The following SZRD1 variants were observed in gnomAD, a reference collection of about 807,000 sequenced individuals.
SZRD1 encodes SUZ RNA binding domain containing 1, also known as SUZ RNA-binding domain-containing.
SZRD1 carries 7 observed loss-of-function variants against 17.6 expected under a neutral mutation model. The observed-to-expected ratio is 0.40, with a 90% CI of 0.23 to 0.75. The LOEUF (loss-of-function observed/expected upper bound fraction) is 0.75, where lower values mean the gene tolerates loss of function less well. SZRD1 is among the 30% of genes least tolerant of loss of function. The pLI, the probability that SZRD1 is intolerant of heterozygous loss-of-function variation, is 0.38. For missense variants in SZRD1, 178 were observed against 201.8 expected (o/e 0.88, Z 0.71); for synonymous variants, 77 against 77.9 (o/e 0.99, Z 0.06).
Position 16,393,108 on chromosome 1 carries a change from G to T in SZRD1, c.102-120G>T. On this transcript the variant is annotated intron_variant, in intron 2 of 3. Coordinates refer to ENST00000401088, the MANE Select transcript of SZRD1 (RefSeq NM_001114600.3). The surrounding 1 kb of genome is among the most constrained non-coding windows in gnomAD (Gnocchi z 5.6). Reference sequence around the variant, plus strand: ...TTTTGCTGTCTGGTCAGAGGCCAGAGAATCATGCATGGGTAGAATTAGGGA... The same window carrying T: ...TTTTGCTGTCTGGTCAGAGGCCAGATAATCATGCATGGGTAGAATTAGGGA... 1 of 1,379,336 alleles carries T rather than the reference G, an allele frequency of 7.2e-7. No individual in the cohort carries two copies. Among genetic ancestry groups the T allele is most frequent in the South Asian group, 1.3e-5 (1 of 75,096 alleles). 85.4% of individuals were successfully genotyped at this position (1,379,336 alleles called of 1,614,324 possible). A position where few individuals can be genotyped will look rare whatever the true frequency, so the allele number is the denominator to read the frequency against.
chr1:16,381,714 C>G (rs1025891160), intron 1 of SZRD1, among the ~76,000 whole-genome samples: 12 of 151,842 alleles, frequency 7.9e-5, no homozygotes, highest in African/African-American at 2.9e-4. Flanking sequence ...GGCGGATCAC[C>G]TAAGGTCAGG....
intron 3 of SZRD1, among the ~76,000 whole-genome samples, chr1:16,394,537 G>A (rs927680604): frequency 7.2e-5 from 11 of 152,188 alleles, no homozygotes; most frequent in African/African-American, 2.7e-4. Context: ...GCTGCTAGAG[G>A]TGAATGTGCA....
At chr1:16,384,336 A>C (rs1255055709) in intron 1 of SZRD1, among the ~76,000 whole-genome samples, 1 of 151,596 alleles carries the variant, frequency 6.6e-6, no homozygotes, top group East Asian at 1.9e-4. Context: ...CCCACAGTTC[A>C]AGAGCAGCCT....
Position 16,397,008 on chromosome 1 carries a change from G to A in SZRD1, c.*1868G>A, listed in dbSNP as rs922945123. Reference sequence around the variant, plus strand: ...CTAACCAAGTGTCCACATTCTAAATGTGTAGTGTCCATCCCTTATGTAATA... The same window carrying A: ...CTAACCAAGTGTCCACATTCTAAATATGTAGTGTCCATCCCTTATGTAATA... On this transcript the variant is annotated 3_prime_UTR_variant, in exon 4 of 4. Coordinates refer to ENST00000401088, the MANE Select transcript of SZRD1 (RefSeq NM_001114600.3). The surrounding 1 kb of genome is among the most constrained non-coding windows in gnomAD (Gnocchi z 5.4). 1 of 152,312 alleles carries A rather than the reference G, an allele frequency of 6.6e-6. No individual in the cohort carries two copies. The highest frequency in any genetic ancestry group is 1.5e-5 in the Non-Finnish European group (1 of 68,076). 9.4% of individuals were successfully genotyped at this position (152,312 alleles called of 1,614,324 possible). A position where few individuals can be genotyped will look rare whatever the true frequency, so the allele number is the denominator to read the frequency against.
At chr1:16,368,508 A>G (rs2082860684) in intron 1 of SZRD1, among the ~76,000 whole-genome samples, 1 of 152,216 alleles carries the variant, frequency 6.6e-6, no homozygotes, top group African/African-American at 2.4e-5. Context: ...TCCATTTAGC[A>G]TAATTGAGAA....
rs2082836767 is a variant in SZRD1, at chr1:16,367,306, G to A, written c.49G>A (p.Gly17Arg). The change falls in exon 1 of 4, where the codon GGG (glycine) becomes AGG (arginine). Residue 17 changes from glycine to arginine, a missense_variant and splice_region_variant. Transcript: ENST00000401088. Reference sequence around the variant, plus strand: ...GAGCTGGGAAGAGGCGGCAGACAGCGGGGTAAGGAGGAGCCGCCGTCCCAT... The same window carrying A: ...GAGCTGGGAAGAGGCGGCAGACAGCAGGGTAAGGAGGAGCCGCCGTCCCAT... The part of the protein sequence containing the change: ...AESWEEAADS[G>R]EIDRRLEKKL... The A allele has an allele frequency of 1.3e-6, 2 of 1,548,572 alleles. No individual in the cohort carries two copies. The highest frequency in any genetic ancestry group is 1.2e-5 in the South Asian group (1 of 83,960).
At chr1:16,370,023 G>A (rs2082886117) in intron 1 of SZRD1, among the ~76,000 whole-genome samples, 1 of 152,048 alleles carries the variant, frequency 6.6e-6, no homozygotes, top group Admixed American at 6.6e-5. Context: ...ACCTGTTGAG[G>A]CATTGTCCCC....
chr1:16,376,823 A>C lies in SZRD1; in HGVS notation c.51+9515A>C, dbSNP rs530064529. On this transcript the variant is annotated intron_variant, in intron 1 of 3. Transcript: ENST00000401088. ...TCTGTCTCAAAAAAAAAAAAAAAAA[A>C]ACGTTGCTCAGGATTTTTAAATGGA... 3.0e-4 allele frequency among the ~76,000 whole-genome samples: 46 copies of C among 151,416 alleles called. 2 individuals carry two copies. In the East Asian group the frequency reaches 7.8e-3, roughly 26 times the overall value.
intron 1 of SZRD1, among the ~76,000 whole-genome samples, chr1:16,377,146 G>C (rs576548599): frequency 6.6e-6 from 1 of 152,276 alleles, no homozygotes; most frequent in South Asian, 2.1e-4. Flanking sequence ...CACCCCTGCT[G>C]AGTGCTGGCG....
At chr1:16,381,358 A>AT (rs1350692127) in intron 1 of SZRD1, among the ~76,000 whole-genome samples, 2 of 151,620 alleles carry the variant, frequency 1.3e-5, no homozygotes, top group Non-Finnish European at 2.9e-5. Flanking sequence ...CAGGAGTTTG[A>AT]CAGCCTGGCC....
At chr1:16,382,479 C>T (rs1379549844) in intron 1 of SZRD1, among the ~76,000 whole-genome samples, 7 of 146,504 alleles carry the variant, frequency 4.8e-5, no homozygotes, top group Admixed American at 1.4e-4. Context: ...TGAACCACTG[C>T]GCCTGGCCAC....
chr1:16,373,802 C>T (rs1458628534), intron 1 of SZRD1, among the ~76,000 whole-genome samples: 6 of 151,988 alleles, frequency 3.9e-5, no homozygotes, highest in Admixed American at 3.9e-4. Flanking sequence ...AGGGTCTCAC[C>T]ATGTTGCCCA....
chr1:16,389,591 G>A (rs1332346250), intron 1 of SZRD1, among the ~76,000 whole-genome samples: 4 of 151,740 alleles, frequency 2.6e-5, no homozygotes, highest in African/African-American at 7.3e-5. Context: ...CATTGCAGGC[G>A]TGAGCCACCG....
At chr1:16,375,613 C>T (rs1185885144) in intron 1 of SZRD1, among the ~76,000 whole-genome samples, 3 of 152,094 alleles carry the variant, frequency 2.0e-5, no homozygotes, top group Admixed American at 1.3e-4. Flanking sequence ...GCGCCCGGTC[C>T]GAGACAGAGA....
At chr1:16,387,392 C>G in intron 1 of SZRD1, 1 of 450,178 alleles carries the variant, frequency 2.2e-6, no homozygotes, top group Non-Finnish European at 4.5e-6. Context: ...CCATTTCTCT[C>G]TCTGTCTTAT....
rs544093601 is a variant in SZRD1, at chr1:16,391,578, G to T, written c.101+154G>T. Among the ~76,000 whole-genome samples the T allele has an allele frequency of 5.7e-4, 87 of 152,270 alleles. 2 individuals are homozygous for T. In the South Asian group the frequency reaches 0.013, roughly 23 times the overall value. ...TTCCCTCCAAATTGGAGACCAGGAC[G>T]TGGTGGCTTGAGGCTTTAGGGTTGA... On this transcript the variant is annotated intron_variant, in intron 2 of 3. Coordinates refer to ENST00000401088, the MANE Select transcript of SZRD1 (RefSeq NM_001114600.3). This position sits in a 1 kb window ranked among gnomAD's most constrained non-coding sequence, Gnocchi z 4.3.
At chr1:16,381,684 C>A (rs1242754709) in intron 1 of SZRD1, among the ~76,000 whole-genome samples, 1 of 152,112 alleles carries the variant, frequency 6.6e-6, no homozygotes, top group African/African-American at 2.4e-5. Context: ...GTAATCTCAG[C>A]ACTTTGGGAG....
intron 1 of SZRD1, among the ~76,000 whole-genome samples, chr1:16,388,673 TAA>T (rs1261668377): frequency 7.0e-6 from 1 of 143,180 alleles, no homozygotes; most frequent in Non-Finnish European, 1.5e-5. Context: ...CTAGAAAGAA[TAA>T]GTCTTTTTTT....
At position 16,383,436 on chromosome 1, in the gene SZRD1, T is replaced by C. The variant is rs1570025916; in HGVS notation, c.52-7939T>C. Among the ~76,000 whole-genome samples, 4 of 152,034 alleles carry C rather than the reference T, an allele frequency of 2.6e-5. No homozygotes were observed. The East Asian group carries it at 7.7e-4, about 29-fold the overall frequency. ...GGTCTTACTTTCTTGTCCAGGCTGG[T>C]CTTGAACTCCTGGTTTCAAGCAATT... On this transcript the variant is annotated intron_variant, in intron 1 of 3. Coordinates refer to ENST00000401088, the MANE Select transcript of SZRD1 (RefSeq NM_001114600.3).
Sources: gnomAD v4.1 joint callset for allele counts (sites outside exome capture counted in the v4.1 genomes callset) on GRCh38, gnomAD v4.1.1 for gene constraint, Gnocchi (gnomAD v3.1) non-coding constraint, MANE v1.5 for transcripts, NCBI Gene and HGNC (gene_info 2026-07-23, HGNC 2026-07-21) for gene names.